PLCE1: variants seen among roughly 807,000 people sequenced by gnomAD.
PLCE1 encodes the protein 1-phosphatidylinositol 4,5-bisphosphate phosphodiesterase epsilon-1.
A neutral mutation model predicts 242.8 loss-of-function variants in PLCE1; 119 were observed. That is an observed-to-expected ratio of 0.49 (90% CI 0.42 to 0.57). The LOEUF is 0.57. PLCE1 is among the 20% of genes least tolerant of loss of function. The pLI is 0.00. For synonymous variants in PLCE1, 945 were observed against 1,017.4 expected (o/e 0.93, Z 1.35); for missense variants, 2,441 against 2,788.8 (o/e 0.88, Z 2.81).
At chr10:94,218,734 A>G (rs964605918) in intron 4 of PLCE1, among the ~76,000 whole-genome samples, 1 of 151,936 alleles carries the variant, frequency 6.6e-6, no homozygotes, top group African/African-American at 2.4e-5. Flanking sequence ...AATAGGCATT[A>G]CTACAGAGAT....
At chr10:94,077,309 C>T (rs1195972567) in intron 2 of PLCE1, among the ~76,000 whole-genome samples, 1 of 152,178 alleles carries the variant, frequency 6.6e-6, no homozygotes, top group Non-Finnish European at 1.5e-5. Context: ...GCTAAATATT[C>T]TACAAGGCAC....
At chr10:94,058,233 A>G (rs1320508314) in intron 2 of PLCE1, among the ~76,000 whole-genome samples, 1 of 152,204 alleles carries the variant, frequency 6.6e-6, no homozygotes, top group Non-Finnish European at 1.5e-5. Context: ...CAAGTGCTCC[A>G]TAAACATTAG....
intron 2 of PLCE1, among the ~76,000 whole-genome samples, chr10:94,110,583 A>G (rs1445279430): frequency 6.6e-6 from 1 of 152,252 alleles, no homozygotes; most frequent in Non-Finnish European, 1.5e-5. Context: ...ATATGGAGAA[A>G]AACTTGGTTA....
chr10:94,249,838 G>A (rs558350973), intron 8 of PLCE1, among the ~76,000 whole-genome samples: 27 of 152,200 alleles, frequency 1.8e-4, no homozygotes, highest in Non-Finnish European at 3.4e-4. Flanking sequence ...ATAATCCTGG[G>A]TATTTGGAAG....
intron 21 of PLCE1, 79 bp from the exon 22 acceptor site, chr10:94,284,769 C>A: frequency 1.2e-6 from 1 of 806,638 alleles, no homozygotes; most frequent in South Asian, 1.3e-5. Context: ...CAGAGGAGGA[C>A]AGATAAAAGA....
intron 2 of PLCE1, among the ~76,000 whole-genome samples, chr10:94,059,120 GAGA>G (rs1476704623): frequency 7.2e-5 from 11 of 152,314 alleles, no homozygotes; most frequent in Admixed American, 2.0e-4. Context: ...AGTCATGATG[GAGA>G]AGGAGAAAAC....
At chr10:94,287,416 T>G (rs1332126442) in intron 22 of PLCE1, 1 of 151,362 alleles carries the variant, frequency 6.6e-6, no homozygotes. Flanking sequence ...ATTATCAATT[T>G]CAGTGTATGT....
At chr10:94,177,859 G>T (rs1385527501) in intron 4 of PLCE1, among the ~76,000 whole-genome samples, 1 of 152,150 alleles carries the variant, frequency 6.6e-6, no homozygotes, top group South Asian at 2.1e-4. Context: ...GAGAGGAGAG[G>T]CAAATCGAGA....
chr10:94,167,145 G>T (rs1248097407), intron 3 of PLCE1, among the ~76,000 whole-genome samples: 1 of 152,092 alleles, frequency 6.6e-6, no homozygotes, highest in East Asian at 1.9e-4. Flanking sequence ...ACAAATATTA[G>T]CTGGGCATGG....
chr10:94,290,856 A>G (rs1348068459), intron 22 of PLCE1, among the ~76,000 whole-genome samples: 1 of 152,208 alleles, frequency 6.6e-6, no homozygotes, highest in Non-Finnish European at 1.5e-5. Flanking sequence ...CTAGACTTCT[A>G]TATGACTGGC....
Position 94,273,584 on chromosome 10 carries a change from T to C in PLCE1, c.4529T>C (p.Val1510Ala). 6.2e-7 allele frequency: 1 copy of C among 1,613,912 alleles called. No individual in the cohort carries two copies. The highest frequency in any genetic ancestry group is 8.5e-7 in the Non-Finnish European group (1 of 1,179,840). ...IFKTVFGEKL[V>A]TKFLFETDFS... ...TAGACTGTGTTTGGAGAAAAGCTGG[T>C]GACTAAATTCTTATTTGAGACTGAT... The change falls in exon 19 of 33, where the codon GTG (valine) becomes GCG (alanine). Residue 1510 changes from valine (V) to alanine (A), a missense_variant. By Grantham distance (64) the Val-to-Ala change is moderately conservative (BLOSUM62 0). This residue lies in a region of PLCE1 where 1,004 missense variants were observed against 1,322.7 expected (regional missense o/e 0.76). Coordinates refer to ENST00000371380, the MANE Select transcript of PLCE1 (RefSeq NM_016341.4).
At chr10:94,326,070 G>GT (rs1310523168) in intron 32 of PLCE1, among the ~76,000 whole-genome samples, 1 of 152,140 alleles carries the variant, frequency 6.6e-6, no homozygotes, top group Admixed American at 6.6e-5. Context: ...GGAACCAGTG[G>GT]TAAGTCTCTC....
chr10:94,258,302 A>T (rs1564836648), intron 11 of PLCE1, among the ~76,000 whole-genome samples: 1 of 152,136 alleles, frequency 6.6e-6, no homozygotes, highest in Non-Finnish European at 1.5e-5. Flanking sequence ...CACATTTTTC[A>T]TTAATATTTA....
At chr10:94,182,417 C>A (rs1371996140) in intron 4 of PLCE1, among the ~76,000 whole-genome samples, 1 of 150,948 alleles carries the variant, frequency 6.6e-6, no homozygotes, top group Non-Finnish European at 1.5e-5. Flanking sequence ...AGATGTGCAC[C>A]ACCACCCTTG....
intron 3 of PLCE1, chr10:94,138,412 A>C (rs2046852408): frequency 2.5e-6 from 1 of 403,994 alleles, no homozygotes; most frequent in Non-Finnish European, 4.9e-6. Context: ...GGGCTGGAAA[A>C]GGCAAGTATT....
chr10:94,165,024 G>T (rs545594289), intron 3 of PLCE1, among the ~76,000 whole-genome samples: 14 of 152,176 alleles, frequency 9.2e-5, no homozygotes, highest in Admixed American at 6.5e-5. Flanking sequence ...ACCCGGCCGT[G>T]TGAGGTGTCA....
chr10:93,994,359 G>A (rs903038670), intron 1 of PLCE1, among the ~76,000 whole-genome samples, 101 bp downstream of exon 1: 2 of 152,226 alleles, frequency 1.3e-5, no homozygotes, highest in African/African-American at 4.8e-5. Flanking sequence ...GGAGCAGCCC[G>A]ACTCCGCGTA....
chr10:94,176,267 G>C (rs761884748), intron 4 of PLCE1, among the ~76,000 whole-genome samples: 2 of 152,092 alleles, frequency 1.3e-5, no homozygotes, highest in Non-Finnish European at 2.9e-5. Context: ...AGGCATGGTG[G>C]TGCATGCCTG....
In PLCE1 at chr10:94,220,376, T is replaced by TTATATATATATATA. The variant is rs59633337; in HGVS notation, c.1810-6900_1810-6887dup. On this transcript the variant is annotated intron_variant, in intron 4 of 32. Coordinates refer to ENST00000371380, the MANE Select transcript of PLCE1 (RefSeq NM_016341.4). ...AATAAAAGCTTAAAAACTAAACATT[T>TTATATATATATATA]TATATATATATATATATATATATAT... is the stretch of plus-strand genomic sequence containing the variant. Among the ~76,000 whole-genome samples the TTATATATATATATA allele has an allele frequency of 5.2e-3, 324 of 61,854 alleles. 16 individuals are homozygous for TTATATATATATATA. The highest frequency in any genetic ancestry group is 0.022 in the Middle Eastern group (2 of 92). 40.6% of individuals were successfully genotyped at this position (61,854 alleles called of 152,430 possible). A position where few individuals can be genotyped will look rare whatever the true frequency, so the allele number is the denominator to read the frequency against.
Sources: allele counts gnomAD v4.1 joint callset (sites outside exome capture counted in the v4.1 genomes callset), GRCh38; gene constraint gnomAD v4.1.1; regional missense constraint gnomAD v4.1.1; transcripts MANE v1.5; gene names NCBI Gene and HGNC (gene_info 2026-07-23, HGNC 2026-07-21).